Variants in DCBLD2 observed in about 807,000 individuals in gnomAD.
The protein encoded by DCBLD2 is discoidin, CUB and LCCL domain-containing protein 2.
A neutral mutation model predicts 86.8 loss-of-function variants in DCBLD2; 54 were observed. The observed-to-expected ratio is 0.62, with a 90% CI of 0.50 to 0.78. DCBLD2 has a LOEUF of 0.78. Ranked by LOEUF, DCBLD2 falls within the 30% of genes least tolerant of loss-of-function variation. The pLI, the probability that DCBLD2 is intolerant of heterozygous loss-of-function variation, is 0.00. For missense variants in DCBLD2, 908 were observed against 954.2 expected, an observed-to-expected ratio of 0.95 and a Z score of 0.64; for synonymous variants, 354 against 341.3, an observed-to-expected ratio of 1.04 and a Z score of -0.41.
At chr3:98,867,386 T>C (rs1399312891) in intron 2 of DCBLD2, among the ~76,000 whole-genome samples, 1 of 152,198 alleles carries the variant, frequency 6.6e-6, no homozygotes, top group African/African-American at 2.4e-5. Context: ...CATTGAGCAG[T>C]GGTTTGTAGT....
chr3:98,894,372 G>A (rs538795389), intron 1 of DCBLD2, among the ~76,000 whole-genome samples: 1 of 152,252 alleles, frequency 6.6e-6, no homozygotes, highest in East Asian at 1.9e-4. Context: ...CAAAAACTAG[G>A]GGGACTTTTA....
intron 2 of DCBLD2, among the ~76,000 whole-genome samples, chr3:98,879,591 G>A (rs943743361): frequency 2.0e-5 from 3 of 152,234 alleles, no homozygotes; most frequent in African/African-American, 7.2e-5. Context: ...GTTTCACCAT[G>A]TTAGCCAGGA....
chr3:98,877,283 G>A (rs1313793226), intron 2 of DCBLD2, among the ~76,000 whole-genome samples: 1 of 152,198 alleles, frequency 6.6e-6, no homozygotes, highest in African/African-American at 2.4e-5. Flanking sequence ...TGGTGGTGGA[G>A]TAAGAACCAG....
chr3:98,886,337 G>A (rs1943562119), intron 1 of DCBLD2, among the ~76,000 whole-genome samples: 1 of 151,960 alleles, frequency 6.6e-6, no homozygotes, highest in Non-Finnish European at 1.5e-5. Flanking sequence ...TATTAATTCT[G>A]AGTAGCTTTG....
chr3:98,881,501 T>C, intron 2 of DCBLD2, 39 bp downstream of exon 2: 1 of 1,520,818 alleles, frequency 6.6e-7, no homozygotes, highest in Non-Finnish European at 9.1e-7. Context: ...ATTGAGACAA[T>C]GATGTATTTA....
intron 2 of DCBLD2, among the ~76,000 whole-genome samples, chr3:98,857,214 C>T (rs1559788275): frequency 1.3e-5 from 2 of 152,030 alleles, no homozygotes; most frequent in Admixed American, 6.6e-5. Context: ...TTCGTGGTCT[C>T]GCTGGCTTCA....
rs1468750533 is a variant in DCBLD2, at chr3:98,901,223, G to A, written c.104C>T (p.Ser35Phe). ...PAWAALPLSR[S>F]LPPCSNSSSF... ...GGAGGAGTTGGAGCAGGGAGGGAGG[G>A]AGCGGGAGAGGGGGAGCGCGGCCCA... The change falls in exon 1 of 16, where the codon TCC becomes TTC. Residue 35 changes from serine (S) to phenylalanine (F), a missense_variant. By Grantham distance (155) the Ser-to-Phe change is radical (BLOSUM62 -2). Coordinates refer to ENST00000326840, the MANE Select transcript of DCBLD2 (RefSeq NM_080927.4). The A allele has an allele frequency of 1.1e-5, 17 of 1,535,306 alleles. No homozygotes were observed. Among genetic ancestry groups the A allele is most frequent in the East Asian group, 7.3e-5 (3 of 40,910 alleles).
chr3:98,889,567 C>T (rs753118014), intron 1 of DCBLD2, among the ~76,000 whole-genome samples: 4 of 152,032 alleles, frequency 2.6e-5, no homozygotes, highest in Non-Finnish European at 5.9e-5. Context: ...TACATGTTAA[C>T]TTACAGATTG....
Position 98,901,376 on chromosome 3 carries a change from G to T in DCBLD2, c.-50C>A. 2 of 1,272,956 alleles carry T rather than the reference G, an allele frequency of 1.6e-6. No homozygotes were observed. Among genetic ancestry groups the T allele is most frequent in the South Asian group, 2.9e-5 (1 of 33,992 alleles). 78.9% of individuals were successfully genotyped at this position (1,272,956 alleles called of 1,614,324 possible). On this transcript the variant is annotated 5_prime_UTR_variant, in exon 1 of 16. Transcript: ENST00000326840. ...ATAGTGCGGGTGCCTCGGCAGCCCC[G>T]CGCGCCTCTGGCCGCGGCACCCGAC...
At chr3:98,856,317 A>C (rs148875963) in intron 2 of DCBLD2, among the ~76,000 whole-genome samples, 89 of 152,236 alleles carry the variant, frequency 5.8e-4, no homozygotes, top group African/African-American at 2.0e-3. Context: ...ATACTGAAAG[A>C]ACAAAACAAA....
rs139572415 is a variant in DCBLD2 at position 98,871,909 on chromosome 3, A to G, written c.433+9631T>C. ...GCTGTGAATCCATCTGGTCCTGGGCATTCGTTGTTGTTGTTGTTGTCATTG... is the reference window on the plus strand; with the variant it reads ...GCTGTGAATCCATCTGGTCCTGGGCGTTCGTTGTTGTTGTTGTTGTCATTG... On this transcript the variant is annotated intron_variant, in intron 2 of 15. Coordinates refer to ENST00000326840, the MANE Select transcript of DCBLD2 (RefSeq NM_080927.4). Among the ~76,000 whole-genome samples the G allele has an allele frequency of 4.6e-4, 70 of 152,134 alleles. No homozygotes were observed. In the East Asian group the frequency reaches 0.012, roughly 26 times the overall value.
At chr3:98,857,232 A>G (rs1169425189) in intron 2 of DCBLD2, among the ~76,000 whole-genome samples, 2 of 152,164 alleles carry the variant, frequency 1.3e-5, no homozygotes, top group Non-Finnish European at 2.9e-5. Flanking sequence ...TCAGGAGTGA[A>G]GCTGCAGACC....
intron 7 of DCBLD2, 97 bp from the exon 8 acceptor site, chr3:98,819,514 C>T: frequency 8.3e-7 from 1 of 1,202,558 alleles, no homozygotes; most frequent in Non-Finnish European, 1.2e-6. Flanking sequence ...CTTTAATTAA[C>T]ATACACTACA....
chr3:98,866,572 AT>A (rs1478601761), intron 2 of DCBLD2, among the ~76,000 whole-genome samples: 1 of 151,998 alleles, frequency 6.6e-6, no homozygotes, highest in Non-Finnish European at 1.5e-5. Flanking sequence ...TTTCTTGTAA[AT>A]TTGTTTGAGT....
chr3:98,801,920 G>A (rs1250279322), intron 13 of DCBLD2: 3 of 306,820 alleles, frequency 9.8e-6, no homozygotes, highest in African/African-American at 4.3e-5. Flanking sequence ...ATTCCATGGT[G>A]TATATGTGCC....
chr3:98,799,297 T>C lies in DCBLD2; in HGVS notation c.*75A>G. ...TGACAGTTATGTAATACATTCTATA[T>C]ATTACTACCACTAATAATTAAAAAA... On this transcript the variant is annotated 3_prime_UTR_variant, in exon 16 of 16. Transcript: ENST00000326840. The C allele has an allele frequency of 7.2e-7, 1 of 1,392,112 alleles. No individual in the cohort carries two copies. Among genetic ancestry groups the C allele is most frequent in the Middle Eastern group, 1.9e-4 (1 of 5,334 alleles). The allele number at this position is 1,392,112 out of a possible 1,614,324, so 86.2% of individuals were successfully genotyped here.
At position 98,797,344 on chromosome 3, in the gene DCBLD2, C is replaced by T. The variant is rs1388925250; in HGVS notation, c.*2028G>A. 6.7e-6 allele frequency: 1 copy of T among 150,238 alleles called. No homozygotes were observed. Among genetic ancestry groups the T allele is most frequent in the Non-Finnish European group, 1.5e-5 (1 of 67,606 alleles). 9.3% of individuals were successfully genotyped at this position (150,238 alleles called of 1,614,324 possible). A position where few individuals can be genotyped will look rare whatever the true frequency, so the allele number is the denominator to read the frequency against. ...CCAGGAAAAAACAATCAGGTATACA[C>T]AATTAACACAAGAATAGCAAACTTC... On this transcript the variant is annotated 3_prime_UTR_variant, in exon 16 of 16. Coordinates refer to ENST00000326840, the MANE Select transcript of DCBLD2 (RefSeq NM_080927.4).
chr3:98,833,097 C>T (rs1481272472), intron 3 of DCBLD2, among the ~76,000 whole-genome samples: 1 of 152,136 alleles, frequency 6.6e-6, no homozygotes, highest in African/African-American at 2.4e-5. Context: ...TTTATATAAT[C>T]CCTTATTTCT....
intron 1 of DCBLD2, among the ~76,000 whole-genome samples, chr3:98,885,361 A>G (rs1046867939): frequency 2.6e-5 from 4 of 152,166 alleles, no homozygotes; most frequent in Non-Finnish European, 5.9e-5. Context: ...ACCTACTGCT[A>G]TGAAATATAT....
Sources: gnomAD v4.1 joint callset for allele counts (sites outside exome capture counted in the v4.1 genomes callset) on GRCh38, gnomAD v4.1.1 for gene constraint, MANE v1.5 for transcripts, NCBI Gene and HGNC (gene_info 2026-07-23, HGNC 2026-07-21) for gene names.